Variants in ST6GAL1 observed in about 807,000 individuals in gnomAD.
The protein encoded by ST6GAL1 is ST6 beta-galactoside alpha-2,6-sialyltransferase 1, also known as beta-galactoside alpha-2,6-sialyltransferase 1.
In ST6GAL1, 20 loss-of-function variants were observed where a neutral mutation model predicts 38.0. The observed-to-expected ratio is 0.53, with a 90% CI of 0.37 to 0.77. The LOEUF (loss-of-function observed/expected upper bound fraction) is 0.77. ST6GAL1 is among the 30% of genes least tolerant of loss of function. ST6GAL1 has a pLI of 0.00. For synonymous variants in ST6GAL1, 196 were observed against 188.2 expected, an observed-to-expected ratio of 1.04 and a Z score of -0.34; for missense variants, 432 against 496.4, an observed-to-expected ratio of 0.87 and a Z score of 1.23.
chr3:187,047,240 C>T lies in ST6GAL1; in HGVS notation c.607+3930C>T, dbSNP rs374116806. ...GATTACAGGTGTGAGCCACCGCGCC[C>T]GGCCAAGTCATAGTTTTTTTTTTTT... is the stretch of plus-strand genomic sequence containing the variant. On this transcript the variant is annotated intron_variant, in intron 4 of 7. Transcript: ENST00000169298. Among the ~76,000 whole-genome samples, 34 of 147,290 alleles carry T rather than the reference C, an allele frequency of 2.3e-4. No individual in the cohort carries two copies. The East Asian group carries it at 5.0e-3, about 22-fold the overall frequency.
chr3:187,026,688 T>C (rs1218838163), intron 2 of ST6GAL1, among the ~76,000 whole-genome samples: 1 of 152,220 alleles, frequency 6.6e-6, no homozygotes, highest in African/African-American at 2.4e-5. Context: ...CTTCTCAAAC[T>C]ATTGGTGGTG....
chr3:186,984,592 C>T (rs541344341), intron 2 of ST6GAL1, among the ~76,000 whole-genome samples: 1 of 152,148 alleles, frequency 6.6e-6, no homozygotes, highest in African/African-American at 2.4e-5. Flanking sequence ...TTGTGGGACT[C>T]ATTCCTCCAC....
intron 1 of ST6GAL1, among the ~76,000 whole-genome samples, chr3:186,932,356 C>T (rs1713789098): frequency 6.6e-6 from 1 of 152,134 alleles, no homozygotes; most frequent in Non-Finnish European, 1.5e-5. Context: ...CAACTAAAGG[C>T]AAAACCGGGA....
intron 1 of ST6GAL1, among the ~76,000 whole-genome samples, chr3:186,934,004 C>G (rs1308565903): frequency 1.3e-5 from 2 of 152,240 alleles, no homozygotes; most frequent in African/African-American, 4.8e-5. Context: ...CTGTCTTGTG[C>G]TTCCCCATTT....
chr3:187,065,806 ATATAT>A (rs1719085892), intron 5 of ST6GAL1, among the ~76,000 whole-genome samples: 1 of 152,224 alleles, frequency 6.6e-6, no homozygotes. Flanking sequence ...CATTTGTTAA[ATATAT>A]TATATATACC....
intron 1 of ST6GAL1, among the ~76,000 whole-genome samples, chr3:186,931,646 C>G (rs1005309081): frequency 2.0e-5 from 3 of 152,156 alleles, no homozygotes; most frequent in African/African-American, 7.2e-5. Flanking sequence ...CGGCGATTGC[C>G]TCTGTGGGGA....
chr3:186,945,454 CCTT>C (rs1359612169), intron 1 of ST6GAL1, among the ~76,000 whole-genome samples: 17 of 152,140 alleles, frequency 1.1e-4, no homozygotes, highest in African/African-American at 3.6e-4. Flanking sequence ...ACTGAAGAGG[CCTT>C]CTCAGGAAAC....
At chr3:187,046,984 T>C (rs113384347) in intron 4 of ST6GAL1, among the ~76,000 whole-genome samples, 1,607 of 152,308 alleles carry the variant, frequency 0.011, 27 homozygotes, top group African/African-American at 0.034. Flanking sequence ...CTTGCTCTGT[T>C]GCCCAGGCTG....
intron 1 of ST6GAL1, among the ~76,000 whole-genome samples, chr3:186,943,366 G>A (rs577049586): frequency 6.6e-6 from 1 of 152,328 alleles, no homozygotes; most frequent in South Asian, 2.1e-4. Flanking sequence ...GAAGTGGCGG[G>A]ACTTGAGGCT....
At chr3:186,941,362 T>C (rs190899373) in intron 1 of ST6GAL1, among the ~76,000 whole-genome samples, 41 of 152,314 alleles carry the variant, frequency 2.7e-4, no homozygotes, top group East Asian at 1.3e-3. Context: ...TGGAGTGTTA[T>C]GCTTCCCTGG....
intron 2 of ST6GAL1, among the ~76,000 whole-genome samples, chr3:187,022,333 G>C (rs1717348801): frequency 6.6e-6 from 1 of 152,060 alleles, no homozygotes; most frequent in African/African-American, 2.4e-5. Flanking sequence ...GATGGCTACA[G>C]AGAGTTTTCC....
intron 5 of ST6GAL1, among the ~76,000 whole-genome samples, chr3:187,067,073 CTTTCT>C (rs1394836757): frequency 8.2e-6 from 1 of 121,610 alleles, no homozygotes; most frequent in African/African-American, 3.3e-5. Flanking sequence ...TCTTTTCTTT[CTTTCT>C]TTCTTTTTTT....
At chr3:187,053,604 G>T (rs2108588577) in intron 5 of ST6GAL1, among the ~76,000 whole-genome samples, 1 of 152,218 alleles carries the variant, frequency 6.6e-6, no homozygotes, top group African/African-American at 2.4e-5. Context: ...AGATCAGATG[G>T]TTGTAGATGT....
At chr3:187,025,465 C>T (rs1717504344) in intron 2 of ST6GAL1, 1 of 152,212 alleles carries the variant, frequency 6.6e-6, no homozygotes, top group African/African-American at 2.4e-5. Context: ...TAGGCCCTTC[C>T]TGCGCTCTCC....
intron 1 of ST6GAL1, chr3:186,942,417 G>C (rs538515013): frequency 6.6e-6 from 1 of 152,348 alleles, no homozygotes; most frequent in South Asian, 2.1e-4. Flanking sequence ...GCATGTCCCA[G>C]GAGGATGGTT....
chr3:186,996,242 C>T (rs1243609042), intron 2 of ST6GAL1, among the ~76,000 whole-genome samples: 4 of 152,126 alleles, frequency 2.6e-5, no homozygotes, highest in African/African-American at 7.2e-5. Flanking sequence ...TTTCCTGGGC[C>T]ACTCAGATAG....
chr3:187,048,299 G>A (rs867139245), intron 4 of ST6GAL1, among the ~76,000 whole-genome samples: 14 of 152,154 alleles, frequency 9.2e-5, no homozygotes, highest in African/African-American at 2.6e-4. Flanking sequence ...CCCCATGTCC[G>A]TGTATGATCT....
intron 2 of ST6GAL1, among the ~76,000 whole-genome samples, chr3:186,967,849 A>G (rs1715200828): frequency 2.0e-5 from 3 of 152,152 alleles, no homozygotes; most frequent in Admixed American, 2.0e-4. Flanking sequence ...CAGGTCCTTG[A>G]CACAAAACCA....
At chr3:187,060,257 T>C (rs569227707) in intron 5 of ST6GAL1, among the ~76,000 whole-genome samples, 1 of 152,056 alleles carries the variant, frequency 6.6e-6, no homozygotes, top group Admixed American at 6.5e-5. Context: ...ACCTCCTGGG[T>C]TCAAGCGATT....
Sources: gnomAD v4.1 joint callset for allele counts (sites outside exome capture counted in the v4.1 genomes callset) on GRCh38, gnomAD v4.1.1 for gene constraint, MANE v1.5 for transcripts, NCBI Gene and HGNC (gene_info 2026-07-23, HGNC 2026-07-21) for gene names.